The following NEBL variants were observed in gnomAD, a reference collection of about 807,000 sequenced individuals.
NEBL encodes LIM and SH3 protein 2.
In NEBL, 122 loss-of-function variants were observed where a neutral mutation model predicts 140.2. The observed-to-expected ratio is 0.87, with a 90% confidence interval of 0.75 to 1.01. The LOEUF (loss-of-function observed/expected upper bound fraction) is 1.01. Among genes scored for constraint, NEBL ranks in the 50% least tolerant of loss-of-function variants. The probability of loss-of-function intolerance (pLI) is 0.00; values close to 1 mark genes in which losing one functional copy is unlikely to be tolerated. For synonymous variants in NEBL, 436 were observed against 398.9 expected, an observed-to-expected ratio of 1.09 and a Z score of -1.11; for missense variants, 1,365 against 1,231.3, an observed-to-expected ratio of 1.11 and a Z score of -1.62.
chr10:20,970,885 C>T (rs183878846), intron 3 of NEBL, among the ~76,000 whole-genome samples: 59 of 151,976 alleles, frequency 3.9e-4, no homozygotes, highest in African/African-American at 1.4e-3. Flanking sequence ...AATGCCAAAG[C>T]GAAAAATATC....
At chr10:21,229,809 A>G (rs969918625) in intron 3 of NEBL, among the ~76,000 whole-genome samples, 5 of 152,220 alleles carry the variant, frequency 3.3e-5, no homozygotes, top group Non-Finnish European at 7.3e-5. Context: ...TAAAATGGGG[A>G]TAACATGTGC....
At chr10:21,182,365 A>G (rs1487666410) in intron 3 of NEBL, among the ~76,000 whole-genome samples, 3 of 152,094 alleles carry the variant, frequency 2.0e-5, no homozygotes, top group Non-Finnish European at 4.4e-5. Flanking sequence ...AGTCCCAGCT[A>G]CTCAGGAGGC....
At chr10:20,817,722 A>G in intron 20 of NEBL, 30 bp from the exon 21 acceptor site, 1 of 1,501,782 alleles carries the variant, frequency 6.7e-7, no homozygotes, top group African/African-American at 1.4e-5. Context: ...ACTTTAACAG[A>G]TAGCACAATG....
At chr10:20,874,491 C>G (rs1296365270) in intron 5 of NEBL, among the ~76,000 whole-genome samples, 6 of 152,274 alleles carry the variant, frequency 3.9e-5, no homozygotes, top group African/African-American at 1.4e-4. Context: ...TTTGGAAACA[C>G]CAGCTGTCAC....
At position 20,831,464 on chromosome 10, in the gene NEBL, C is replaced by T. The variant is rs1350495963; in HGVS notation, c.1560+9G>A. ...TTATTTTAAACTTTGTATCTTGCTGCTGTCTTACCTGGCTGGCCATCTCGG... is the reference window on the plus strand; with the variant it reads ...TTATTTTAAACTTTGTATCTTGCTGTTGTCTTACCTGGCTGGCCATCTCGG... On this transcript the variant is annotated intron_variant, in intron 15 of 27. Coordinates refer to ENST00000377122, the MANE Select transcript of NEBL (RefSeq NM_006393.3). The T allele has an allele frequency of 2.5e-6, 4 of 1,588,108 alleles. No homozygotes were observed. The highest frequency in any genetic ancestry group is 2.2e-5 in the East Asian group (1 of 44,714).
At chr10:21,075,615 C>T (rs1044219166) in intron 2 of NEBL, among the ~76,000 whole-genome samples, 1 of 152,206 alleles carries the variant, frequency 6.6e-6, no homozygotes, top group African/African-American at 2.4e-5. Context: ...CACCGGTCTG[C>T]AGCGTGGATG....
intron 2 of NEBL, among the ~76,000 whole-genome samples, chr10:21,120,390 ATACAT>A (rs1269112033): frequency 5.0e-5 from 5 of 99,518 alleles, no homozygotes; most frequent in Admixed American, 9.7e-5. Context: ...AAAAAAAAAA[ATACAT>A]ATATATATAT....
intron 1 of NEBL, among the ~76,000 whole-genome samples, chr10:21,277,995 C>T (rs1180698071): frequency 6.6e-6 from 1 of 152,168 alleles, no homozygotes; most frequent in African/African-American, 2.4e-5. Context: ...CTTGAGGCTT[C>T]GCCTAGTTAT....
At chr10:21,005,370 A>G (rs527765221) in intron 3 of NEBL, among the ~76,000 whole-genome samples, 1 of 152,340 alleles carries the variant, frequency 6.6e-6, no homozygotes, top group East Asian at 1.9e-4. Flanking sequence ...TGAATGGTAA[A>G]GCCTCAGTGT....
intron 1 of NEBL, among the ~76,000 whole-genome samples, chr10:21,261,009 G>A (rs953499725): frequency 2.0e-5 from 3 of 152,148 alleles, no homozygotes; most frequent in African/African-American, 2.4e-5. Flanking sequence ...AGAAGGGATC[G>A]TGGATGGCAA....
chr10:21,155,514 G>T (rs183113057), intron 2 of NEBL, among the ~76,000 whole-genome samples: 76 of 152,272 alleles, frequency 5.0e-4, no homozygotes, highest in African/African-American at 1.8e-3. Context: ...AGATCCCACA[G>T]ATAAGTGATA....
intron 1 of NEBL, among the ~76,000 whole-genome samples, chr10:21,282,818 T>A (rs1843008914): frequency 6.6e-6 from 1 of 151,962 alleles, no homozygotes; most frequent in Non-Finnish European, 1.5e-5. Context: ...ATAAAGATAT[T>A]GCTGATTAAA....
chr10:21,214,537 A>G (rs1037697204), intron 3 of NEBL, among the ~76,000 whole-genome samples: 6 of 151,558 alleles, frequency 4.0e-5, no homozygotes, highest in South Asian at 4.2e-4. Flanking sequence ...ACACACACAT[A>G]CACACATGCA....
At chr10:20,932,116 T>TCA (rs940962234) in intron 4 of NEBL, among the ~76,000 whole-genome samples, 1 of 152,156 alleles carries the variant, frequency 6.6e-6, no homozygotes, top group African/African-American at 2.4e-5. Context: ...AAACTTAAAT[T>TCA]CATCTTCTTT....
rs181146261 is a variant in NEBL at position 21,064,005 on chromosome 10, G to A, written c.165-43804C>T. ...GAGGATTGCTTGAGCCCGGGAGGCA[G>A]AGGTTGCAATGAACTGAGATCGCGC... is the stretch of plus-strand genomic sequence containing the variant. On this transcript the variant is annotated intron_variant, in intron 2 of 6. Transcript: ENST00000417816. Among the ~76,000 whole-genome samples, 773 of 152,268 alleles carry A rather than the reference G, an allele frequency of 5.1e-3. 6 individuals carry two copies. The highest frequency in any genetic ancestry group is 0.018 in the African/African-American group (734 of 41,546).
intron 3 of NEBL, among the ~76,000 whole-genome samples, chr10:21,190,118 G>T (rs183807178): frequency 3.9e-5 from 6 of 152,060 alleles, no homozygotes; most frequent in Admixed American, 3.9e-4. Flanking sequence ...CTTGCTACCC[G>T]AGCACAAAAC....
intron 19 of NEBL, among the ~76,000 whole-genome samples, chr10:20,821,780 T>C (rs781393014): frequency 2.6e-5 from 4 of 152,152 alleles, no homozygotes; most frequent in Non-Finnish European, 4.4e-5. Flanking sequence ...CTTTTTGTGA[T>C]CTGTATCTCA....
chr10:21,238,560 A>G (rs981517241), intron 3 of NEBL, among the ~76,000 whole-genome samples: 6 of 151,614 alleles, frequency 4.0e-5, no homozygotes, highest in Non-Finnish European at 8.8e-5. Flanking sequence ...AAATACCAAA[A>G]TTAGCTGGGC....
At chr10:21,182,723 A>C (rs1392915938) in intron 3 of NEBL, among the ~76,000 whole-genome samples, 1 of 152,244 alleles carries the variant, frequency 6.6e-6, no homozygotes, top group Non-Finnish European at 1.5e-5. Context: ...CACATGTGTA[A>C]TTTTAAATTT....
Sources: allele counts gnomAD v4.1 joint callset (sites outside exome capture counted in the v4.1 genomes callset), GRCh38; gene constraint gnomAD v4.1.1; transcripts MANE v1.5; gene names NCBI Gene and HGNC (gene_info 2026-07-23, HGNC 2026-07-21).